LRRC7: variants seen among roughly 807,000 people sequenced by gnomAD.
The protein encoded by LRRC7 is leucine rich repeat containing 7, also known as leucine-rich repeat-containing protein 7.
LRRC7 carries 23 observed loss-of-function variants against 175.7 expected under a neutral mutation model. The ratio of observed to expected loss-of-function variants is 0.13; its 90% confidence interval spans 0.09 to 0.19. The LOEUF is 0.19. Ranked by LOEUF, LRRC7 falls within the 10% of genes least tolerant of loss-of-function variation. LRRC7 has a pLI of 1.00. For missense variants in LRRC7, 1,354 were observed against 1,904.7 expected (o/e 0.71, Z 5.38); for synonymous variants, 685 against 680.9 (o/e 1.01, Z -0.09).
rs555941959 is a variant in LRRC7, at chr1:69,970,933, C to T, written c.712-9446C>T. 2.3e-3 allele frequency among the ~76,000 whole-genome samples: 357 copies of T among 152,170 alleles called. 3 individuals carry two copies. Among genetic ancestry groups the T allele is most frequent in the African/African-American group, 8.2e-3 (341 of 41,556 alleles). Reference sequence around the variant, plus strand: ...ACATACCAAAAAGATAATCTACCATCATCAAGTGGGTTTTATACCAGGGAT... The same window carrying T: ...ACATACCAAAAAGATAATCTACCATTATCAAGTGGGTTTTATACCAGGGAT... On this transcript the variant is annotated intron_variant, in intron 8 of 26. Coordinates refer to ENST00000651989, the MANE Select transcript of LRRC7 (RefSeq NM_001370785.2).
chr1:70,041,877 G>A (rs1197561255), intron 21 of LRRC7, among the ~76,000 whole-genome samples: 1 of 152,200 alleles, frequency 6.6e-6, no homozygotes, highest in Non-Finnish European at 1.5e-5. Context: ...TATAGGGTTA[G>A]GGGAGAGAGA....
intron 1 of LRRC7, among the ~76,000 whole-genome samples, chr1:69,578,198 C>T (rs1646036945): frequency 6.6e-6 from 1 of 151,252 alleles, no homozygotes; most frequent in African/African-American, 2.4e-5. Flanking sequence ...AAAATGCTCA[C>T]CATCACTGGC....
At chr1:70,047,258 A>G (rs1660400359) in intron 22 of LRRC7, among the ~76,000 whole-genome samples, 1 of 152,124 alleles carries the variant, frequency 6.6e-6, no homozygotes, top group Non-Finnish European at 1.5e-5. Context: ...AGCTATCTCT[A>G]GTTAGATGCT....
intron 7 of LRRC7, among the ~76,000 whole-genome samples, chr1:69,886,978 G>A (rs987964140): frequency 7.9e-5 from 12 of 151,900 alleles, no homozygotes; most frequent in South Asian, 4.2e-4. Context: ...GGTTTCTGCC[G>A]AGAGATCCGC....
intron 5 of LRRC7, among the ~76,000 whole-genome samples, chr1:69,828,655 A>G (rs1023492910): frequency 3.3e-5 from 5 of 152,102 alleles, no homozygotes; most frequent in Admixed American, 6.6e-5. Flanking sequence ...AATGATAATC[A>G]TGGTTGTGCT....
At chr1:70,024,023 A>G (rs1156299742) in intron 17 of LRRC7, among the ~76,000 whole-genome samples, 2 of 152,108 alleles carry the variant, frequency 1.3e-5, no homozygotes, top group Non-Finnish European at 2.9e-5. Context: ...ATGAAAGAAC[A>G]CTGCATGTCT....
intron 7 of LRRC7, among the ~76,000 whole-genome samples, chr1:69,923,418 G>C (rs996151715): frequency 6.6e-6 from 1 of 152,006 alleles, no homozygotes; most frequent in African/African-American, 2.4e-5. Context: ...GGTTGAACTA[G>C]TTTACAGTCC....
At chr1:69,834,463 A>G (rs1680884931) in intron 5 of LRRC7, among the ~76,000 whole-genome samples, 1 of 152,182 alleles carries the variant, frequency 6.6e-6, no homozygotes, top group Non-Finnish European at 1.5e-5. Context: ...ACAACTTGAG[A>G]TTTCCATGAA....
chr1:69,813,988 C>T (rs1254894892), intron 4 of LRRC7, among the ~76,000 whole-genome samples: 3 of 152,002 alleles, frequency 2.0e-5, no homozygotes, highest in East Asian at 1.9e-4. Context: ...AGAAAGCATG[C>T]ATATGTATAT....
chr1:69,969,817 A>G (rs1652043035), intron 8 of LRRC7, among the ~76,000 whole-genome samples: 1 of 152,172 alleles, frequency 6.6e-6, no homozygotes, highest in South Asian at 2.1e-4. Context: ...CCCAACAACC[A>G]CAGAATGTAC....
At chr1:69,977,210 C>G (rs1220213130) in intron 8 of LRRC7, among the ~76,000 whole-genome samples, 1 of 152,114 alleles carries the variant, frequency 6.6e-6, no homozygotes. Context: ...TCCTCATTAC[C>G]TCTTTCATTA....
At chr1:69,583,667 C>A (rs1284604187) in intron 1 of LRRC7, among the ~76,000 whole-genome samples, 1 of 152,120 alleles carries the variant, frequency 6.6e-6, no homozygotes, top group Non-Finnish European at 1.5e-5. Flanking sequence ...AACTTACCCC[C>A]AATTGGGGAA....
intron 7 of LRRC7, among the ~76,000 whole-genome samples, chr1:69,911,584 A>G (rs529898459): frequency 5.9e-5 from 9 of 152,226 alleles, no homozygotes; most frequent in East Asian, 3.9e-4. Flanking sequence ...CTTCCTCACA[A>G]TCTCCTCCAG....
At chr1:69,607,312 A>T (rs115589198) in intron 1 of LRRC7, 24 of 152,042 alleles carry the variant, frequency 1.6e-4, no homozygotes, top group African/African-American at 5.1e-4. Context: ...CTCATCTCAG[A>T]CTCATTGCTA....
chr1:69,720,444 A>G (rs960287236), intron 2 of LRRC7, among the ~76,000 whole-genome samples: 1 of 151,674 alleles, frequency 6.6e-6, no homozygotes, highest in Admixed American at 6.6e-5. Context: ...TTTAAGGATT[A>G]CTTAGAACCT....
In LRRC7 at chr1:70,130,952, C is replaced by T. The variant is rs1158833651; in HGVS notation, c.*9065C>T. Reference sequence around the variant, plus strand: ...TAGTCTGTCTACAGGCTGTTGGCCACAGTTGAGCATGACAATGTTTACACA... The same window carrying T: ...TAGTCTGTCTACAGGCTGTTGGCCATAGTTGAGCATGACAATGTTTACACA... On this transcript the variant is annotated 3_prime_UTR_variant, in exon 27 of 27. Transcript: ENST00000651989. 1.3e-5 allele frequency among the ~76,000 whole-genome samples: 2 copies of T among 152,140 alleles called. No individual in the cohort carries two copies. Among genetic ancestry groups the T allele is most frequent in the Non-Finnish European group, 2.9e-5 (2 of 68,020 alleles).
chr1:69,912,559 A>G (rs1646563814), intron 7 of LRRC7, among the ~76,000 whole-genome samples: 1 of 152,182 alleles, frequency 6.6e-6, no homozygotes, highest in African/African-American at 2.4e-5. Context: ...CCCCACCCTC[A>G]GAAATAATGT....
Position 69,781,786 on chromosome 1 carries a change from AAAGGAAGGAAGGAAGGAAGGAAGGAAGG to A in LRRC7, c.304-10224_304-10197del, listed in dbSNP as rs771907811. ...GAGAGAAAGAAAGAAAGAAAGAAAG[AAAGGAAGGAAGGAAGGAAGGAAGGAAGG>A]AAGGAAGGAAGGAAGGAAGGAAGGA... On this transcript the variant is annotated intron_variant, in intron 3 of 26. Coordinates refer to ENST00000651989, the MANE Select transcript of LRRC7 (RefSeq NM_001370785.2). Among the ~76,000 whole-genome samples, 134 of 28,256 alleles carry A rather than the reference AAAGGAAGGAAGGAAGGAAGGAAGGAAGG, an allele frequency of 4.7e-3. 8 individuals are homozygous for A. The highest frequency in any genetic ancestry group is 7.3e-3 in the Non-Finnish European group (121 of 16,618). 18.5% of individuals were successfully genotyped at this position (28,256 alleles called of 152,430 possible).
intron 8 of LRRC7, among the ~76,000 whole-genome samples, chr1:69,970,351 G>T (rs66914569): frequency 0.097 from 14,770 of 151,890 alleles, 1,731 homozygotes; most frequent in African/African-American, 0.28. Context: ...CTGGTTCTTC[G>T]AAAAGATAAA....
Sources: allele counts gnomAD v4.1 joint callset (sites outside exome capture counted in the v4.1 genomes callset), GRCh38; gene constraint gnomAD v4.1.1; transcripts MANE v1.5; gene names NCBI Gene and HGNC (gene_info 2026-07-23, HGNC 2026-07-21).